The following YIPF4 variants were observed in gnomAD, a reference collection of about 807,000 sequenced individuals.
YIPF4 encodes the protein protein YIPF4.
A neutral mutation model predicts 29.4 loss-of-function variants in YIPF4; 18 were observed. The ratio of observed to expected loss-of-function variants is 0.61; its 90% CI spans 0.42 to 0.91. The LOEUF is 0.91. Among genes scored for constraint, YIPF4 ranks in the 40% least tolerant of loss-of-function variants. YIPF4 has a pLI of 0.00. For missense variants in YIPF4, 279 were observed against 282.7 expected (o/e 0.99, Z 0.09); for synonymous variants, 115 against 104.7 (o/e 1.10, Z -0.60).
intron 1 of YIPF4, among the ~76,000 whole-genome samples, chr2:32,284,501 G>A (rs1360826267): frequency 6.6e-6 from 1 of 152,090 alleles, no homozygotes; most frequent in Non-Finnish European, 1.5e-5. Flanking sequence ...TTTTTTAAAA[G>A]GGTGTAGCAC....
In YIPF4 at chr2:32,314,586, T is replaced by C. The variant is rs2031784513; in HGVS notation, c.*8960T>C. ...TACTCTGGAGGCTGAGACAGGAGAATCGCTTGAACCTGGGAGGTGGAGAGT... is the reference window on the plus strand; with the variant it reads ...TACTCTGGAGGCTGAGACAGGAGAACCGCTTGAACCTGGGAGGTGGAGAGT... On this transcript the variant is annotated 3_prime_UTR_variant, in exon 6 of 6. Coordinates refer to ENST00000238831, the MANE Select transcript of YIPF4 (RefSeq NM_032312.4). 1 of 152,080 alleles carries C rather than the reference T, an allele frequency of 6.6e-6. No individual in the cohort carries two copies. The highest frequency in any genetic ancestry group is 1.5e-5 in the Non-Finnish European group (1 of 68,046). 9.4% of individuals were successfully genotyped at this position (152,080 alleles called of 1,614,324 possible).
chr2:32,314,725 A>G lies in YIPF4; in HGVS notation c.*9099A>G, dbSNP rs2031788072. On this transcript the variant is annotated 3_prime_UTR_variant, in exon 6 of 6. Coordinates refer to ENST00000238831, the MANE Select transcript of YIPF4 (RefSeq NM_032312.4). ...AAGCGCTGTTGTGAGGGTTAAATGA[A>G]CTAGATAATTAATGTAATAAACAGA... 6.6e-6 allele frequency: 1 copy of G among 152,184 alleles called. No individual in the cohort carries two copies. The highest frequency in any genetic ancestry group is 2.1e-4 in the South Asian group (1 of 4,834). 9.4% of individuals were successfully genotyped at this position (152,184 alleles called of 1,614,324 possible).
At chr2:32,302,037 T>C (rs538222255) in intron 5 of YIPF4, among the ~76,000 whole-genome samples, 16 of 150,632 alleles carry the variant, frequency 1.1e-4, no homozygotes, top group East Asian at 3.9e-4. Context: ...TTCTTTCTTT[T>C]TTTTTTTTTT....
chr2:32,282,966 A>G (rs1307399680), intron 1 of YIPF4, among the ~76,000 whole-genome samples: 4 of 150,976 alleles, frequency 2.6e-5, no homozygotes, highest in Non-Finnish European at 1.5e-5. Flanking sequence ...AGTCCCAGCT[A>G]CTCTGGAGGC....
At chr2:32,282,250 G>C (rs2030451770) in intron 1 of YIPF4, among the ~76,000 whole-genome samples, 1 of 152,104 alleles carries the variant, frequency 6.6e-6, no homozygotes, top group South Asian at 2.1e-4. Context: ...GGGGAACGTA[G>C]TGACACCCCA....
At chr2:32,293,026 CCTT>C (rs1558477445) in intron 3 of YIPF4, among the ~76,000 whole-genome samples, 1 of 149,944 alleles carries the variant, frequency 6.7e-6, no homozygotes. Context: ...ATATTTCTTA[CCTT>C]TTTTTTGATT....
chr2:32,280,135 ATT>A (rs1353044337), intron 1 of YIPF4, among the ~76,000 whole-genome samples: 5 of 141,594 alleles, frequency 3.5e-5, no homozygotes, highest in Non-Finnish European at 3.1e-5. Context: ...ATATATATAT[ATT>A]TTTTTTTTGA....
At chr2:32,300,421 A>T (rs1337022145) in intron 4 of YIPF4, among the ~76,000 whole-genome samples, 1 of 146,150 alleles carries the variant, frequency 6.8e-6, no homozygotes. Context: ...GCGACAGAGG[A>T]GGACTCCGTC....
At chr2:32,303,233 A>AC (rs1460200159) in intron 5 of YIPF4, among the ~76,000 whole-genome samples, 2 of 151,928 alleles carry the variant, frequency 1.3e-5, no homozygotes, top group African/African-American at 4.8e-5. Context: ...GGTGGCGGGT[A>AC]CCTGTGGTCC....
intron 4 of YIPF4, among the ~76,000 whole-genome samples, chr2:32,299,961 C>T (rs745784093): frequency 1.3e-5 from 2 of 151,422 alleles, no homozygotes; most frequent in Non-Finnish European, 2.9e-5. Context: ...GGTGAAACCC[C>T]GTCTCTACTA....
intron 5 of YIPF4, among the ~76,000 whole-genome samples, chr2:32,303,232 T>A (rs1573543254): frequency 6.6e-6 from 1 of 152,048 alleles, no homozygotes; most frequent in Non-Finnish European, 1.5e-5. Flanking sequence ...TGGTGGCGGG[T>A]ACCTGTGGTC....
At chr2:32,282,149 A>C (rs1011282871) in intron 1 of YIPF4, among the ~76,000 whole-genome samples, 3 of 152,048 alleles carry the variant, frequency 2.0e-5, no homozygotes, top group Non-Finnish European at 4.4e-5. Context: ...GCTAGTCTAC[A>C]GCCAGGTGTG....
rs534292984 is a variant in YIPF4, at chr2:32,291,348, A to C, written c.233+712A>C. ...TTAGAAGTTCAAGATGAGCCTGGCC[A>C]ACATGGCGAAACCCCATCTCTACTA... is the stretch of plus-strand genomic sequence containing the variant. On this transcript the variant is annotated intron_variant, in intron 2 of 5. Transcript: ENST00000238831. 7.2e-5 allele frequency among the ~76,000 whole-genome samples: 11 copies of C among 152,362 alleles called. No homozygotes were observed. In the East Asian group the frequency reaches 2.1e-3, roughly 29 times the overall value.
intron 1 of YIPF4, among the ~76,000 whole-genome samples, chr2:32,283,373 A>T: frequency 6.6e-6 from 1 of 152,166 alleles, no homozygotes; most frequent in Non-Finnish European, 1.5e-5. Context: ...TTCAGTGTAT[A>T]ACCTTCCTTC....
In YIPF4 at chr2:32,306,310, T is replaced by C. The variant is rs2031580005; in HGVS notation, c.*684T>C. The C allele has an allele frequency of 1.0e-6, 1 of 985,594 alleles. No homozygotes were observed. The highest frequency in any genetic ancestry group is 1.2e-6 in the Non-Finnish European group (1 of 829,824). 61.1% of individuals were successfully genotyped at this position (985,594 alleles called of 1,614,324 possible). A position where few individuals can be genotyped will look rare whatever the true frequency, so the allele number is the denominator to read the frequency against. ...GATATATATTTGGTTTGTTTGGGTA[T>C]ACTTTTCAAAACCATTTTTGAATGT... On this transcript the variant is annotated 3_prime_UTR_variant, in exon 6 of 6. Coordinates refer to ENST00000238831, the MANE Select transcript of YIPF4 (RefSeq NM_032312.4).
rs1234896837 is a variant in YIPF4 at position 32,308,046 on chromosome 2, T to C, written c.*2420T>C. 6.6e-6 allele frequency: 1 copy of C among 151,522 alleles called. No homozygotes were observed. The highest frequency in any genetic ancestry group is 1.5e-5 in the Non-Finnish European group (1 of 67,746). The allele number at this position is 151,522 out of a possible 1,614,324, so 9.4% of individuals were successfully genotyped here. The stretch of plus-strand genomic sequence containing the variant: ...AATGTCCTCTCCTTGAATTTTTATA[T>C]AATAATATTTTCTGAGTCATAACTA... On this transcript the variant is annotated 3_prime_UTR_variant, in exon 6 of 6. Transcript: ENST00000238831.
At chr2:32,295,458 C>T (rs1308927635) in intron 3 of YIPF4, among the ~76,000 whole-genome samples, 1 of 152,112 alleles carries the variant, frequency 6.6e-6, no homozygotes, top group African/African-American at 2.4e-5. Flanking sequence ...AGGGCTGGTT[C>T]CTGTGGAAGC....
At chr2:32,291,483 G>T (rs1285606880) in intron 2 of YIPF4, among the ~76,000 whole-genome samples, 1 of 152,208 alleles carries the variant, frequency 6.6e-6, no homozygotes, top group African/African-American at 2.4e-5. Context: ...GACGGAGGTT[G>T]CAGTGAGCCG....
intron 3 of YIPF4, among the ~76,000 whole-genome samples, chr2:32,293,936 G>C (rs1345865780): frequency 7.3e-6 from 1 of 137,920 alleles, no homozygotes; most frequent in Non-Finnish European, 1.6e-5. Context: ...CTGGCCGGGC[G>C]GGGGGCTGAC....
Sources: gnomAD v4.1 joint callset for allele counts (sites outside exome capture counted in the v4.1 genomes callset) on GRCh38, gnomAD v4.1.1 for gene constraint, MANE v1.5 for transcripts, NCBI Gene and HGNC (gene_info 2026-07-23, HGNC 2026-07-21) for gene names.